The following LAMA2 variants were observed in gnomAD, a reference collection of about 807,000 sequenced individuals.
LAMA2 encodes the protein laminin subunit alpha 2, also known as laminin subunit alpha-2.
In LAMA2, 269 loss-of-function variants were observed where a neutral mutation model predicts 364.8. That is an observed-to-expected ratio of 0.74 (90% CI 0.67 to 0.82). The LOEUF (loss-of-function observed/expected upper bound fraction) is 0.82. Among genes scored for constraint, LAMA2 ranks in the 40% least tolerant of loss-of-function variants. The probability of loss-of-function intolerance (pLI) is 0.00; values close to 1 mark genes in which losing one functional copy is unlikely to be tolerated. For synonymous variants in LAMA2, 1,379 were observed against 1,370.6 expected, an observed-to-expected ratio of 1.01 and a Z score of -0.14; for missense variants, 3,807 against 3,873.2, an observed-to-expected ratio of 0.98 and a Z score of 0.45.
chr6:128,902,394 A>T (rs150422635), intron 1 of LAMA2, among the ~76,000 whole-genome samples: 1 of 152,350 alleles, frequency 6.6e-6, no homozygotes, highest in African/African-American at 2.4e-5. Context: ...CTGGTATAAT[A>T]AAAGAAGAAA....
chr6:129,364,749 T>C (rs1056728541), intron 32 of LAMA2, among the ~76,000 whole-genome samples: 2 of 152,180 alleles, frequency 1.3e-5, no homozygotes, highest in Admixed American at 6.5e-5. Flanking sequence ...ATTAGTCCAT[T>C]TTCGTATTGC....
chr6:129,192,663 T>G lies in LAMA2; in HGVS notation c.1609-17T>G. 6.2e-7 allele frequency: 1 copy of G among 1,610,982 alleles called. No homozygotes were observed. The highest frequency in any genetic ancestry group is 8.5e-7 in the Non-Finnish European group (1 of 1,177,166). On this transcript the variant is annotated splice_polypyrimidine_tract_variant and intron_variant, in intron 11 of 64. Coordinates refer to ENST00000421865, the MANE Select transcript of LAMA2 (RefSeq NM_000426.4). Reference sequence around the variant, plus strand: ...ATATTTTTTAAAAATTAATGATGACTGTGTGTTTTCTCTAAGATACAAGAT... The same window carrying G: ...ATATTTTTTAAAAATTAATGATGACGGTGTGTTTTCTCTAAGATACAAGAT...
intron 1 of LAMA2, among the ~76,000 whole-genome samples, chr6:128,918,491 A>T (rs1778489382): frequency 6.6e-6 from 1 of 152,184 alleles, no homozygotes; most frequent in Non-Finnish European, 1.5e-5. Flanking sequence ...AAATTTTCAG[A>T]TTTATTAGGT....
At chr6:129,294,682 C>T (rs1230457317) in intron 20 of LAMA2, among the ~76,000 whole-genome samples, 1 of 152,094 alleles carries the variant, frequency 6.6e-6, no homozygotes, top group Non-Finnish European at 1.5e-5. Flanking sequence ...GTCCAAAAGA[C>T]AAGAAACTGG....
chr6:129,403,907 C>G lies in LAMA2; in HGVS notation c.5813C>G (p.Ala1938Gly), dbSNP rs376585927. The change falls in exon 40 of 65, where the codon GCT becomes GGT. Residue 1938 changes from alanine (A) to glycine (G), a missense_variant. Around this residue, in one of 3 missense-constraint regions of LAMA2, gnomAD observed 3,333 missense variants for 3,345.7 expected, o/e 1.00. Coordinates refer to ENST00000421865, the MANE Select transcript of LAMA2 (RefSeq NM_000426.4). Reference protein sequence around the residue: ...YSNIKDYIDEAEKVAKEAKDL... With the variant: ...YSNIKDYIDEGEKVAKEAKDL... Reference sequence around the variant, plus strand: ...AATATTAAGGACTATATTGATGAAGCTGAGAAAGTTGCCAAAGAAGCCAAA... The same window carrying G: ...AATATTAAGGACTATATTGATGAAGGTGAGAAAGTTGCCAAAGAAGCCAAA... 13 of 1,613,746 alleles carry G rather than the reference C, an allele frequency of 8.1e-6. No homozygotes were observed. Among genetic ancestry groups the G allele is most frequent in the South Asian group, 2.2e-5 (2 of 91,076 alleles).
At chr6:129,284,388 T>A (rs747861094) in intron 18 of LAMA2, among the ~76,000 whole-genome samples, 3 of 152,156 alleles carry the variant, frequency 2.0e-5, no homozygotes, top group Non-Finnish European at 2.9e-5. Context: ...TTTTGTGTGC[T>A]GCCATAATAG....
intron 1 of LAMA2, among the ~76,000 whole-genome samples, chr6:129,018,480 T>G (rs1163778538): frequency 6.6e-6 from 1 of 151,828 alleles, no homozygotes; most frequent in Admixed American, 6.6e-5. Flanking sequence ...ATGAGGTTTC[T>G]TCAATAAATA....
chr6:129,092,381 G>T (rs1774898043), intron 3 of LAMA2, among the ~76,000 whole-genome samples: 1 of 152,150 alleles, frequency 6.6e-6, no homozygotes, highest in African/African-American at 2.4e-5. Context: ...TTGAAAACAT[G>T]ATGTCTATGA....
rs199833683 is a variant in LAMA2 at position 129,315,892 on chromosome 6, G to A, written c.3866G>A (p.Arg1289Lys). The change falls in exon 26 of 65, where the codon AGG becomes AAG. Residue 1289 changes from arginine (R) to lysine (K), a missense_variant. By Grantham distance (26) the Arg-to-Lys change is conservative (BLOSUM62 2). Coordinates refer to ENST00000421865, the MANE Select transcript of LAMA2 (RefSeq NM_000426.4). ...GTPTHARIIV[R>K]HMAAPLIGQL... ...CCTACTCATGCTAGAATTATCGTCAGGCATATGGCTGCTCCTCTGATTGGC... is the reference window on the plus strand; with the variant it reads ...CCTACTCATGCTAGAATTATCGTCAAGCATATGGCTGCTCCTCTGATTGGC... 4 of 1,614,094 alleles carry A rather than the reference G, an allele frequency of 2.5e-6. No homozygotes were observed. The highest frequency in any genetic ancestry group is 3.4e-6 in the Non-Finnish European group (4 of 1,180,022).
At chr6:129,066,048 T>C (rs1235638354) in intron 3 of LAMA2, among the ~76,000 whole-genome samples, 1 of 87,052 alleles carries the variant, frequency 1.1e-5, no homozygotes, top group African/African-American at 3.7e-5. Flanking sequence ...GTTTTTTTTT[T>C]TTTTTTTTTT....
intron 17 of LAMA2, among the ~76,000 whole-genome samples, chr6:129,276,457 A>T (rs982580459): frequency 6.6e-6 from 1 of 152,096 alleles, no homozygotes. Flanking sequence ...ATTCTCACAC[A>T]TTGACTTAAT....
chr6:129,426,220 C>T (rs1176036974), intron 40 of LAMA2, among the ~76,000 whole-genome samples: 1 of 152,130 alleles, frequency 6.6e-6, no homozygotes, highest in African/African-American at 2.4e-5. Context: ...TTTCTCTTCT[C>T]TTTGCTCATT....
chr6:129,507,565 C>T lies in LAMA2; in HGVS notation c.8780C>T (p.Ser2927Phe), dbSNP rs1217291901. The T allele has an allele frequency of 1.9e-6, 3 of 1,614,088 alleles. No individual in the cohort carries two copies. Among genetic ancestry groups the T allele is most frequent in the Non-Finnish European group, 2.5e-6 (3 of 1,180,014 alleles). Reference sequence around the variant, plus strand: ...CCTGCCGATCTGGAACAACCCACCTCCAGCTTCCATGTTGGGACATGTTTT... The same window carrying T: ...CCTGCCGATCTGGAACAACCCACCTTCAGCTTCCATGTTGGGACATGTTTT... ...EAPADLEQPT[S>F]SFHVGTCFAN... The change falls in exon 62 of 65, where the codon TCC becomes TTC. Residue 2927 changes from serine to phenylalanine, a missense_variant. Transcript: ENST00000421865.
rs1002393147 is a variant in LAMA2 at position 128,941,383 on chromosome 6, G to A, written c.112+58026G>A. On this transcript the variant is annotated intron_variant, in intron 1 of 64. Coordinates refer to ENST00000421865, the MANE Select transcript of LAMA2 (RefSeq NM_000426.4). Reference sequence around the variant, plus strand: ...AAATACATAATCAAAGTTTGTGTTAGAAGGGTCAATCTGAAGGCTTTTGAA... The same window carrying A: ...AAATACATAATCAAAGTTTGTGTTAAAAGGGTCAATCTGAAGGCTTTTGAA... Among the ~76,000 whole-genome samples, 7 of 152,296 alleles carry A rather than the reference G, an allele frequency of 4.6e-5. No homozygotes were observed. The East Asian group carries it at 5.8e-4, about 13-fold the overall frequency.
At chr6:129,387,670 A>G (rs1779089110) in intron 35 of LAMA2, among the ~76,000 whole-genome samples, 1 of 152,234 alleles carries the variant, frequency 6.6e-6, no homozygotes, top group Non-Finnish European at 1.5e-5. Flanking sequence ...TCAATGATAG[A>G]TTAGGTAAAG....
intron 12 of LAMA2, among the ~76,000 whole-genome samples, chr6:129,223,239 T>C (rs1283446728): frequency 1.3e-5 from 2 of 152,238 alleles, no homozygotes; most frequent in African/African-American, 4.8e-5. Flanking sequence ...ATTCTGGATA[T>C]TAGCCCTTTG....
chr6:129,267,079 C>G (rs373387077), intron 15 of LAMA2, 27 bp from the exon 16 acceptor site: 44 of 1,402,316 alleles, frequency 3.1e-5, no homozygotes, highest in Non-Finnish European at 4.5e-5. Flanking sequence ...ATCTCCAAGA[C>G]TGACTAAAGC....
chr6:128,973,317 G>A (rs1445088360), intron 1 of LAMA2, among the ~76,000 whole-genome samples: 1 of 152,098 alleles, frequency 6.6e-6, no homozygotes, highest in African/African-American at 2.4e-5. Flanking sequence ...CAAAGACATA[G>A]CCACACATGG....
intron 40 of LAMA2, among the ~76,000 whole-genome samples, chr6:129,424,723 A>C (rs1583715004): frequency 6.6e-6 from 1 of 152,078 alleles, no homozygotes; most frequent in East Asian, 1.9e-4. Flanking sequence ...ATCAACAAAG[A>C]TGTAGGCACA....
Sources: gnomAD v4.1 joint callset for allele counts (sites outside exome capture counted in the v4.1 genomes callset) on GRCh38, gnomAD v4.1.1 for gene constraint, gnomAD v4.1.1 regional missense constraint, MANE v1.5 for transcripts, NCBI Gene and HGNC (gene_info 2026-07-23, HGNC 2026-07-21) for gene names.